The following CSMD1 variants were observed in gnomAD, a reference collection of about 807,000 sequenced individuals.
The protein encoded by CSMD1 is CUB and sushi domain-containing protein 1.
CSMD1 carries 213 observed loss-of-function variants against 417.5 expected under a neutral mutation model. That is an observed-to-expected ratio of 0.51 (90% CI 0.46 to 0.57). The LOEUF is 0.57. CSMD1 is among the 20% of genes least tolerant of loss of function. The pLI is 0.00. For missense variants in CSMD1, 6,923 were observed against 4,529.7 expected, an observed-to-expected ratio of 1.53 and a Z score of -15.17; for synonymous variants, 2,862 against 1,736.8, an observed-to-expected ratio of 1.65 and a Z score of -16.11.
At chr8:4,403,294 T>TC (rs1169202322) in intron 3 of CSMD1, among the ~76,000 whole-genome samples, 9 of 152,144 alleles carry the variant, frequency 5.9e-5, no homozygotes, top group African/African-American at 2.2e-4. Flanking sequence ...TTCTCTTCAT[T>TC]CCCCCTTTCT....
At chr8:4,993,928 C>G (rs1456502032) in intron 1 of CSMD1, among the ~76,000 whole-genome samples, 2 of 152,212 alleles carry the variant, frequency 1.3e-5, no homozygotes, top group South Asian at 4.2e-4. Flanking sequence ...CCAGGCGCGT[C>G]GGGTCCGGGG....
intron 62 of CSMD1, among the ~76,000 whole-genome samples, chr8:2,958,872 G>A (rs1803228330): frequency 6.6e-6 from 1 of 152,154 alleles, no homozygotes; most frequent in Non-Finnish European, 1.5e-5. Flanking sequence ...CTCCCATGTT[G>A]GGATTCCGGG....
At chr8:3,123,964 C>T (rs955813549) in intron 41 of CSMD1, among the ~76,000 whole-genome samples, 2 of 152,170 alleles carry the variant, frequency 1.3e-5, no homozygotes, top group East Asian at 1.9e-4. Flanking sequence ...GTGTTGAAGG[C>T]TCTAGCGCCC....
At chr8:4,165,031 G>C (rs528959131) in intron 3 of CSMD1, among the ~76,000 whole-genome samples, 121 of 152,228 alleles carry the variant, frequency 7.9e-4, no homozygotes, top group African/African-American at 2.7e-3. Flanking sequence ...TGACACCTGA[G>C]GTTTCTGTAT....
intron 5 of CSMD1, among the ~76,000 whole-genome samples, chr8:3,842,097 C>T (rs886332512): frequency 6.6e-6 from 1 of 152,212 alleles, no homozygotes; most frequent in Non-Finnish European, 1.5e-5. Context: ...CTGGAAAACA[C>T]ACATGCCTTC....
chr8:4,093,005 C>T (rs925545871), intron 3 of CSMD1, among the ~76,000 whole-genome samples: 36 of 151,894 alleles, frequency 2.4e-4, no homozygotes, highest in African/African-American at 8.5e-4. Flanking sequence ...AAGAAAAGAC[C>T]ACTGAGGAAT....
chr8:3,674,590 T>G (rs950734522), intron 7 of CSMD1, among the ~76,000 whole-genome samples: 1 of 113,128 alleles, frequency 8.8e-6, no homozygotes, highest in Admixed American at 8.8e-5. Context: ...CTGCAAAATA[T>G]ATTATAACTC....
intron 1 of CSMD1, chr8:4,787,216 G>T: frequency 4.2e-6 from 2 of 479,856 alleles, no homozygotes; most frequent in Admixed American, 3.5e-5. Context: ...CCGCCAGGGG[G>T]CGCGCCTGGG....
intron 10 of CSMD1, among the ~76,000 whole-genome samples, chr8:3,551,410 C>T (rs891717099): frequency 6.6e-6 from 1 of 151,860 alleles, no homozygotes; most frequent in African/African-American, 2.4e-5. Flanking sequence ...CTTTAGGTTG[C>T]AGTAAACTGG....
At chr8:4,196,246 G>C (rs548939482) in intron 3 of CSMD1, among the ~76,000 whole-genome samples, 2 of 152,030 alleles carry the variant, frequency 1.3e-5, no homozygotes, top group Non-Finnish European at 2.9e-5. Context: ...AAAAATAAAC[G>C]TCTGCTGTGT....
intron 1 of CSMD1, among the ~76,000 whole-genome samples, chr8:4,837,715 A>C (rs1310600923): frequency 1.3e-5 from 2 of 152,194 alleles, no homozygotes; most frequent in Admixed American, 6.5e-5. Context: ...CGGTGACTAT[A>C]GTCAGTAATA....
chr8:3,385,637 G>C (rs1216468246), intron 18 of CSMD1, among the ~76,000 whole-genome samples: 1 of 152,022 alleles, frequency 6.6e-6, no homozygotes, highest in Non-Finnish European at 1.5e-5. Context: ...GTTTTCTGTA[G>C]GCAAATTCAC....
intron 1 of CSMD1, among the ~76,000 whole-genome samples, chr8:4,841,639 G>T (rs974884748): frequency 2.0e-5 from 3 of 152,010 alleles, no homozygotes; most frequent in South Asian, 2.1e-4. Context: ...GGTCAGGCGC[G>T]GTGGCTCACG....
At chr8:3,114,494 G>A (rs1366115302) in intron 42 of CSMD1, among the ~76,000 whole-genome samples, 1 of 150,944 alleles carries the variant, frequency 6.6e-6, no homozygotes, top group Non-Finnish European at 1.5e-5. Flanking sequence ...ATATATCGAA[G>A]ATACTGAAAG....
chr8:3,903,944 C>G (rs1218399214), intron 5 of CSMD1, among the ~76,000 whole-genome samples: 4 of 152,070 alleles, frequency 2.6e-5, no homozygotes, highest in African/African-American at 9.7e-5. Context: ...CTATTTGTTT[C>G]TCATTTGGAT....
intron 4 of CSMD1, among the ~76,000 whole-genome samples, chr8:4,020,959 T>C (rs1796759701): frequency 6.6e-6 from 1 of 152,356 alleles, no homozygotes; most frequent in Non-Finnish European, 1.5e-5. Flanking sequence ...ACGTGGACTT[T>C]GATATCTCAG....
intron 1 of CSMD1, among the ~76,000 whole-genome samples, chr8:4,785,577 C>A (rs536099995): frequency 1.3e-5 from 2 of 151,994 alleles, no homozygotes; most frequent in East Asian, 3.9e-4. Flanking sequence ...TAGTCCTGAG[C>A]CACTTGGAAG....
intron 3 of CSMD1, among the ~76,000 whole-genome samples, chr8:4,282,868 T>C (rs1393447533): frequency 6.6e-6 from 1 of 152,196 alleles, no homozygotes; most frequent in Non-Finnish European, 1.5e-5. Flanking sequence ...TTTCTAAAGA[T>C]CATAATTATA....
intron 49 of CSMD1, among the ~76,000 whole-genome samples, chr8:3,057,981 G>A (rs1485041851): frequency 2.0e-5 from 3 of 151,998 alleles, no homozygotes; most frequent in Admixed American, 6.6e-5. Context: ...GCAGACCCTC[G>A]CCAAGTATCC....
Sources: allele counts gnomAD v4.1 joint callset (sites outside exome capture counted in the v4.1 genomes callset), GRCh38; gene constraint gnomAD v4.1.1; transcripts MANE v1.5; gene names NCBI Gene and HGNC (gene_info 2026-07-23, HGNC 2026-07-21).